CNTN5: variants seen among roughly 807,000 people sequenced by gnomAD.
The protein encoded by CNTN5 is contactin-5.
CNTN5 carries 77 observed loss-of-function variants against 129.1 expected under a neutral mutation model. The observed-to-expected ratio is 0.60, with a 90% CI of 0.50 to 0.72. CNTN5 has a LOEUF of 0.72. Among genes scored for constraint, CNTN5 ranks in the 30% least tolerant of loss-of-function variants. The pLI, the probability that CNTN5 is intolerant of heterozygous loss-of-function variation, is 0.00. For synonymous variants in CNTN5, 509 were observed against 465.6 expected (o/e 1.09, Z -1.20); for missense variants, 1,478 against 1,328.8 (o/e 1.11, Z -1.75).
chr11:99,579,416 T>C (rs1949489218), intron 3 of CNTN5, among the ~76,000 whole-genome samples: 1 of 151,982 alleles, frequency 6.6e-6, no homozygotes, highest in Non-Finnish European at 1.5e-5. Context: ...TAAATTACCT[T>C]GGGCAGAATG....
chr11:99,529,834 A>C (rs1005909991), intron 2 of CNTN5, among the ~76,000 whole-genome samples: 3 of 152,186 alleles, frequency 2.0e-5, no homozygotes, highest in African/African-American at 7.2e-5. Flanking sequence ...CATGGAGTGG[A>C]GTATGGAAAA....
intron 8 of CNTN5, among the ~76,000 whole-genome samples, chr11:99,983,222 G>C (rs745350460): frequency 7.2e-5 from 11 of 152,200 alleles, no homozygotes; most frequent in Non-Finnish European, 1.6e-4. Context: ...AGATGAATTT[G>C]AGTATGGTTT....
intron 1 of CNTN5, among the ~76,000 whole-genome samples, chr11:99,068,844 A>T (rs1438246113): frequency 6.6e-6 from 1 of 152,198 alleles, no homozygotes; most frequent in African/African-American, 2.4e-5. Context: ...GGCAGAGAGC[A>T]TTAGATTTCT....
intron 6 of CNTN5, among the ~76,000 whole-genome samples, chr11:99,862,366 G>GTTGT (rs144522214): frequency 7.9e-5 from 12 of 151,332 alleles, no homozygotes; most frequent in East Asian, 3.9e-4. Context: ...TATAACAGAT[G>GTTGT]TTTTTTTTCC....
intron 1 of CNTN5, among the ~76,000 whole-genome samples, chr11:99,099,098 A>G (rs1591186802): frequency 1.3e-5 from 2 of 152,162 alleles, no homozygotes; most frequent in Non-Finnish European, 2.9e-5. Context: ...TAAGTAGAGA[A>G]TAGGAATTGT....
At chr11:99,397,413 T>C (rs866711266) in intron 2 of CNTN5, among the ~76,000 whole-genome samples, 1 of 151,924 alleles carries the variant, frequency 6.6e-6, no homozygotes, top group South Asian at 2.1e-4. Flanking sequence ...ATTATGCACT[T>C]AAGGAGTGGG....
intron 18 of CNTN5, among the ~76,000 whole-genome samples, chr11:100,296,027 T>C (rs969019300): frequency 1.3e-5 from 2 of 151,594 alleles, no homozygotes; most frequent in African/African-American, 2.4e-5. Flanking sequence ...TATTTGACTA[T>C]GCTTTGATGG....
At chr11:100,006,741 T>G (rs1425348989) in intron 9 of CNTN5, among the ~76,000 whole-genome samples, 2 of 146,016 alleles carry the variant, frequency 1.4e-5, no homozygotes, top group Non-Finnish European at 3.0e-5. Flanking sequence ...TATTTTGACC[T>G]TCCATGAATC....
chr11:100,222,728 A>T lies in CNTN5; in HGVS notation c.1885-1964A>T, dbSNP rs370084317. Among the ~76,000 whole-genome samples the T allele has an allele frequency of 5.3e-5, 8 of 152,030 alleles. No individual in the cohort carries two copies. In the East Asian group the frequency reaches 1.3e-3, roughly 26 times the overall value. On this transcript the variant is annotated intron_variant, in intron 15 of 24. Coordinates refer to ENST00000524871, the MANE Select transcript of CNTN5 (RefSeq NM_014361.4). ...TTCAGACAGTGCTATTTCCAGGAAA[A>T]AAAATCAAATCCTCCCTGATTTGTG...
intron 3 of CNTN5, among the ~76,000 whole-genome samples, chr11:99,649,499 G>C (rs1236440125): frequency 6.6e-6 from 1 of 151,696 alleles, no homozygotes; most frequent in Admixed American, 6.6e-5. Flanking sequence ...TGACACAAAT[G>C]GGCACAGAAG....
chr11:99,315,816 T>C (rs1319757241), intron 1 of CNTN5, among the ~76,000 whole-genome samples: 1 of 148,962 alleles, frequency 6.7e-6, no homozygotes, highest in Admixed American at 6.7e-5. Context: ...TGCAAGCCAG[T>C]GATTTTTTTT....
rs551604274 is a variant in CNTN5 at position 100,038,130 on chromosome 11, C to G, written c.981-23082C>G. ...AGTGCTATAAATTTCCCTCTACACACTACTTTGAATGTGTCCCAGAGATTC... is the reference window on the plus strand; with the variant it reads ...AGTGCTATAAATTTCCCTCTACACAGTACTTTGAATGTGTCCCAGAGATTC... On this transcript the variant is annotated intron_variant, in intron 9 of 24. Transcript: ENST00000524871. Among the ~76,000 whole-genome samples the G allele has an allele frequency of 2.9e-3, 435 of 152,168 alleles. 13 individuals are homozygous for G. In the East Asian group the frequency reaches 0.076, roughly 27 times the overall value.
chr11:99,748,355 G>A (rs1479134057), intron 3 of CNTN5, among the ~76,000 whole-genome samples: 1 of 151,946 alleles, frequency 6.6e-6, no homozygotes, highest in African/African-American at 2.4e-5. Context: ...ATCTTTGTTG[G>A]GAAGTTTAAG....
At chr11:100,341,483 C>T (rs957532455) in intron 23 of CNTN5, among the ~76,000 whole-genome samples, 1 of 152,142 alleles carries the variant, frequency 6.6e-6, no homozygotes, top group Admixed American at 6.5e-5. Context: ...GATATTAGGA[C>T]CAGCAGAATT....
chr11:99,578,207 T>C (rs1197555791), intron 3 of CNTN5, among the ~76,000 whole-genome samples: 2 of 152,074 alleles, frequency 1.3e-5, no homozygotes, highest in Admixed American at 1.3e-4. Context: ...ATGTGCCACA[T>C]TTTCTTAATC....
At chr11:99,046,891 C>T (rs1864232844) in intron 1 of CNTN5, among the ~76,000 whole-genome samples, 1 of 151,984 alleles carries the variant, frequency 6.6e-6, no homozygotes, top group African/African-American at 2.4e-5. Flanking sequence ...GATAAAGTCT[C>T]ATGTATAATT....
At position 100,276,058 on chromosome 11, in the gene CNTN5, C is replaced by A. The variant is rs565663534; in HGVS notation, c.2314+4817C>A. On this transcript the variant is annotated intron_variant, in intron 18 of 24. Transcript: ENST00000524871. ...TAGAGCTGCTTGGGAGAAAAAAGGT[C>A]TCACATTAGGGATGTTGAATTGAAA... Among the ~76,000 whole-genome samples, 340 of 152,232 alleles carry A rather than the reference C, an allele frequency of 2.2e-3. 4 individuals carry two copies. The highest frequency in any genetic ancestry group is 8.0e-3 in the African/African-American group (332 of 41,548).
At chr11:99,815,613 C>T (rs1946562358) in intron 3 of CNTN5, among the ~76,000 whole-genome samples, 1 of 152,126 alleles carries the variant, frequency 6.6e-6, no homozygotes, top group Non-Finnish European at 1.5e-5. Flanking sequence ...CTCTTCATCC[C>T]TTATGTCTGA....
chr11:99,797,006 G>GGC (rs1945965769), intron 3 of CNTN5, among the ~76,000 whole-genome samples: 1 of 151,858 alleles, frequency 6.6e-6, no homozygotes, highest in African/African-American at 2.4e-5. Flanking sequence ...TGAGTCCCAG[G>GGC]GCACCCTAGC....
Sources: gnomAD v4.1 joint callset for allele counts (sites outside exome capture counted in the v4.1 genomes callset) on GRCh38, gnomAD v4.1.1 for gene constraint, MANE v1.5 for transcripts, NCBI Gene and HGNC (gene_info 2026-07-23, HGNC 2026-07-21) for gene names.